Variants in CEP120 observed in about 807,000 individuals in gnomAD.
The protein encoded by CEP120 is centrosomal protein 120.
CEP120 carries 113 observed loss-of-function variants against 126.5 expected under a neutral mutation model. The observed-to-expected ratio is 0.89, with a 90% CI of 0.77 to 1.04. CEP120 has a LOEUF of 1.04. CEP120 is among the 50% of genes least tolerant of loss of function. CEP120 has a pLI of 0.00. For synonymous variants in CEP120, 400 were observed against 394.3 expected (o/e 1.01, Z -0.17); for missense variants, 1,230 against 1,155.7 (o/e 1.06, Z -0.93).
intron 18 of CEP120, among the ~76,000 whole-genome samples, chr5:123,355,324 T>C (rs1332163377): frequency 6.6e-6 from 1 of 152,186 alleles, no homozygotes. Context: ...CTGGGTCAAA[T>C]GGTATTTCTA....
In CEP120 at chr5:123,352,715, A is replaced by G. The variant is rs561612436; in HGVS notation, c.2581-2626T>C. On this transcript the variant is annotated intron_variant, in intron 18 of 19. Coordinates refer to ENST00000306467, the MANE Select transcript of CEP120 (RefSeq NM_001375405.1). The stretch of plus-strand genomic sequence containing the variant: ...ATTTCCATTTCTAAGGCTAAAAAAA[A>G]CCTGCTGAGATTTTATGATGATTAT... Among the ~76,000 whole-genome samples, 4 of 152,136 alleles carry G rather than the reference A, an allele frequency of 2.6e-5. No homozygotes were observed. In the South Asian group the frequency reaches 8.3e-4, roughly 31 times the overall value.
In CEP120 at chr5:123,386,676, TA is replaced by T. The variant is rs75744800; in HGVS notation, c.1431-10del. 0.089 allele frequency: 54,086 copies of T among 605,690 alleles called. 5 individuals are homozygous for T. Among genetic ancestry groups the T allele is most frequent in the East Asian group, 0.11 (1,992 of 17,578 alleles). The allele number at this position is 605,690 out of a possible 1,614,324, so 37.5% of individuals were successfully genotyped here. On this transcript the variant is annotated splice_polypyrimidine_tract_variant and intron_variant, in intron 9 of 19. Transcript: ENST00000306467. ...AGAATGGATATGAGTACCTAGAATT[TA>T]AAAAAAAAAAAAAAAAAAAAAGCCT... is the stretch of plus-strand genomic sequence containing the variant.
At chr5:123,391,362 A>G in intron 6 of CEP120, 25 bp from the exon 7 acceptor site, 2 of 1,515,196 alleles carry the variant, frequency 1.3e-6, no homozygotes, top group Non-Finnish European at 1.8e-6. Context: ...AAAAATCAAA[A>G]TAGGGCTTTA....
chr5:123,402,197 G>T, intron 4 of CEP120: 4 of 1,564,836 alleles, frequency 2.6e-6, no homozygotes, highest in Non-Finnish European at 3.5e-6. Context: ...CGCCGCCCAG[G>T]CCACCCCGAA....
rs111802594 is a variant in CEP120 at position 123,380,625 on chromosome 5, C to T, written c.2103+1486G>A. ...ATTATGGCACAAAGTGAATTTGTCACGGTTCTAGTAATTTTATTAACTTTT... is the reference window on the plus strand; with the variant it reads ...ATTATGGCACAAAGTGAATTTGTCATGGTTCTAGTAATTTTATTAACTTTT... On this transcript the variant is annotated intron_variant, in intron 14 of 19. Transcript: ENST00000306467. Among the ~76,000 whole-genome samples, 294 of 152,094 alleles carry T rather than the reference C, an allele frequency of 1.9e-3. 1 individual carries two copies. The highest frequency in any genetic ancestry group is 6.6e-3 in the African/African-American group (274 of 41,510).
chr5:123,385,396 C>T (rs530306532), intron 10 of CEP120, among the ~76,000 whole-genome samples: 3 of 152,088 alleles, frequency 2.0e-5, no homozygotes, highest in Non-Finnish European at 2.9e-5. Flanking sequence ...TTTAGATACA[C>T]AAATACTTAC....
intron 2 of CEP120, 36 bp from the exon 3 acceptor site, chr5:123,416,160 G>A: frequency 7.8e-7 from 1 of 1,284,518 alleles, no homozygotes; most frequent in Non-Finnish European, 1.1e-6. Flanking sequence ...AATGGTTTTT[G>A]CTTAATAAAC....
In CEP120 at chr5:123,382,442, A is replaced by G. The variant is rs17150402; in HGVS notation, c.2014-242T>C. 0.049 allele frequency among the ~76,000 whole-genome samples: 7,440 copies of G among 152,126 alleles called. 247 individuals are homozygous for G. Among genetic ancestry groups the G allele is most frequent in the East Asian group, 0.1 (523 of 5,162 alleles). On this transcript the variant is annotated intron_variant, in intron 13 of 19. Coordinates refer to ENST00000306467, the MANE Select transcript of CEP120 (RefSeq NM_001375405.1). ...GCTTTCTAACTCTTGTTTGGAGACTAATGATGCAAGGTTCCAGGAGGGCAT... is the reference window on the plus strand; with the variant it reads ...GCTTTCTAACTCTTGTTTGGAGACTGATGATGCAAGGTTCCAGGAGGGCAT...
intron 19 of CEP120, among the ~76,000 whole-genome samples, chr5:123,349,418 A>C (rs1769050003): frequency 6.6e-6 from 1 of 152,160 alleles, no homozygotes; most frequent in Non-Finnish European, 1.5e-5. Context: ...GCTCATTAAG[A>C]GCTATTGTTA....
At position 123,399,118 on chromosome 5, in the gene CEP120, T is replaced by C. The variant is rs749256376; in HGVS notation, c.612+18A>G. ...TTTCAAATTATTCGTAAGTCACCAA[T>C]CTCATGAAAAGTCTCACCTGTTCCA... On this transcript the variant is annotated intron_variant, in intron 5 of 19. Transcript: ENST00000306467. The C allele has an allele frequency of 4.5e-6, 7 of 1,549,720 alleles. No individual in the cohort carries two copies. The South Asian group carries it at 7.5e-5, about 17-fold the overall frequency.
intron 18 of CEP120, among the ~76,000 whole-genome samples, chr5:123,359,852 T>C (rs1050198727): frequency 2.6e-5 from 4 of 152,002 alleles, no homozygotes; most frequent in Non-Finnish European, 4.4e-5. Context: ...TGGGTCACCT[T>C]TGAGTAATGG....
chr5:123,388,707 A>T (rs1403576896), intron 8 of CEP120, 101 bp from the exon 9 acceptor site: 2 of 915,514 alleles, frequency 2.2e-6, no homozygotes, highest in African/African-American at 3.4e-5. Flanking sequence ...ACCTTTAAGC[A>T]GGAATTGGGC....
rs143794094 is a variant in CEP120 at position 123,385,002 on chromosome 5, T to C, written c.1712A>G (p.Gln571Arg). ...KTRFLGSNGE[Q>R]CWRQTYSESV... Reference sequence around the variant, plus strand: ...TTCACTGTAAGTTTGACGCCAACACTGTTCACCATTAGAACCTAAAAAACG... The same window carrying C: ...TTCACTGTAAGTTTGACGCCAACACCGTTCACCATTAGAACCTAAAAAACG... The change falls in exon 11 of 20, where the codon CAG becomes CGG. Residue 571 changes from glutamine (Q) to arginine (R), a missense_variant. By Grantham distance (43) the Gln-to-Arg change is conservative (BLOSUM62 1). Transcript: ENST00000306467. 1.5e-5 allele frequency: 24 copies of C among 1,613,502 alleles called. No homozygotes were observed. The African/African-American group carries it at 2.8e-4, about 19-fold the overall frequency.
rs886394377 is a variant in CEP120, at chr5:123,400,610, T to C, written c.464-1326A>G. ...GAGCAGCATCAATTCAGATATCATA[T>C]ATATACATATATATACACATAAATA... is the stretch of plus-strand genomic sequence containing the variant. On this transcript the variant is annotated intron_variant, in intron 4 of 19. Transcript: ENST00000306467. Among the ~76,000 whole-genome samples the C allele has an allele frequency of 4.0e-5, 6 of 148,766 alleles. No individual in the cohort carries two copies. The South Asian group carries it at 1.3e-3, about 32-fold the overall frequency.
chr5:123,351,335 T>C (rs1385690564), intron 18 of CEP120, among the ~76,000 whole-genome samples: 2 of 152,196 alleles, frequency 1.3e-5, no homozygotes, highest in Non-Finnish European at 2.9e-5. Context: ...TTGAGACTCA[T>C]TGTTCTCTGT....
intron 4 of CEP120, among the ~76,000 whole-genome samples, chr5:123,405,690 A>G (rs188003136): frequency 5.3e-5 from 8 of 152,272 alleles, no homozygotes; most frequent in African/African-American, 1.7e-4. Context: ...AGACCTAACC[A>G]TAAGGCTATA....
intron 16 of CEP120, among the ~76,000 whole-genome samples, chr5:123,375,591 G>A (rs1771156448): frequency 6.6e-6 from 1 of 151,652 alleles, no homozygotes; most frequent in African/African-American, 2.4e-5. Flanking sequence ...CGAAAGTGTT[G>A]GGATTACAAG....
At chr5:123,370,989 T>C (rs1273521997) in intron 17 of CEP120, among the ~76,000 whole-genome samples, 1 of 151,914 alleles carries the variant, frequency 6.6e-6, no homozygotes, top group East Asian at 1.9e-4. Context: ...TTGGGAGTAA[T>C]ATTTGACTTT....
At chr5:123,422,909 C>A in intron 1 of CEP120, 41 bp downstream of exon 1, 1 of 1,585,708 alleles carries the variant, frequency 6.3e-7, no homozygotes, top group Non-Finnish European at 8.7e-7. Flanking sequence ...TTTTAAAACT[C>A]GGGAGGCAGC....
Sources: gnomAD v4.1 joint callset for allele counts (sites outside exome capture counted in the v4.1 genomes callset) on GRCh38, gnomAD v4.1.1 for gene constraint, MANE v1.5 for transcripts, NCBI Gene and HGNC (gene_info 2026-07-23, HGNC 2026-07-21) for gene names.